Variants in CLCN2 observed in about 807,000 individuals in gnomAD.
The protein encoded by CLCN2 is chloride voltage-gated channel 2, also known as chloride channel protein 2.
CLCN2 carries 72 observed loss-of-function variants against 108.3 expected under a neutral mutation model. The observed-to-expected ratio is 0.66, with a 90% CI of 0.55 to 0.81. CLCN2 has a LOEUF of 0.81. CLCN2 is among the 30% of genes least tolerant of loss of function. CLCN2 has a pLI of 0.00. For missense variants in CLCN2, 1,048 were observed against 1,205.2 expected (o/e 0.87, Z 1.93); for synonymous variants, 471 against 467.1 (o/e 1.01, Z -0.11).
rs746540452 is a variant in CLCN2, at chr3:184,346,966, C to G, written c.2471G>C (p.Gly824Ala). The G allele has an allele frequency of 6.2e-7, 1 of 1,613,974 alleles. No individual in the cohort carries two copies. The highest frequency in any genetic ancestry group is 8.5e-7 in the Non-Finnish European group (1 of 1,179,976). ...GVDHAYVTSI[G>A]RLIGIVTLKE... ...TAGAGTAACGATTCCAATGAGTCTG[C>G]CAATACTGGTGACATAAGCATGGTC... The change falls in exon 23 of 24, where the codon GGC (glycine) becomes GCC (alanine). Residue 824 changes from glycine (G) to alanine (A), a missense_variant. By Grantham distance (60) the Gly-to-Ala change is moderately conservative. Coordinates refer to ENST00000265593, the MANE Select transcript of CLCN2 (RefSeq NM_004366.6). This position sits in a 1 kb window ranked among gnomAD's most constrained non-coding sequence, Gnocchi z 6.0.
Position 184,359,055 on chromosome 3 carries a change from T to A in CLCN2, c.140A>T (p.Glu47Val), listed in dbSNP as rs763306383. ...EAARIRLGGP[E>V]PWKGPPSSRA... is the part of the protein sequence containing the mutation. Reference sequence around the variant, plus strand: ...AGAGGAAGGGGGACCTTTCCAGGGTTCAGGCCCTCCCAGGCGAATCCGAGC... The same window carrying A: ...AGAGGAAGGGGGACCTTTCCAGGGTACAGGCCCTCCCAGGCGAATCCGAGC... Residue 47 changes from glutamate to valine, a missense_variant, in exon 2 of 24, where the codon GAA (glutamate) becomes GTA (valine). Glu to Val is a moderately radical substitution (Grantham distance 121). Transcript: ENST00000265593. 2 of 1,613,636 alleles carry A rather than the reference T, an allele frequency of 1.2e-6. No individual in the cohort carries two copies. Among genetic ancestry groups the A allele is most frequent in the Non-Finnish European group, 8.5e-7 (1 of 1,180,018 alleles).
At chr3:184,360,281 C>G (rs779958687) in intron 1 of CLCN2, among the ~76,000 whole-genome samples, 3 of 151,782 alleles carry the variant, frequency 2.0e-5, no homozygotes, top group Non-Finnish European at 4.4e-5. Flanking sequence ...ACAGAGTGCC[C>G]GGGACAGAGC....
chr3:184,354,672 GGT>G lies in CLCN2; in HGVS notation c.1397-16_1397-15del. 1 of 1,299,830 alleles carries G rather than the reference GGT, an allele frequency of 7.7e-7. No individual in the cohort carries two copies. Among genetic ancestry groups the G allele is most frequent in the Non-Finnish European group, 1.1e-6 (1 of 941,548 alleles). 80.5% of individuals were successfully genotyped at this position (1,299,830 alleles called of 1,614,324 possible). ...CAAATGCTGCTCCTTCAGGGAGGGG[GGT>G]GGGAAGAGAAAGAGGCAGTGGAGGG... On this transcript the variant is annotated splice_polypyrimidine_tract_variant and intron_variant, in intron 13 of 23. Coordinates refer to ENST00000265593, the MANE Select transcript of CLCN2 (RefSeq NM_004366.6).
At position 184,355,024 on chromosome 3, in the gene CLCN2, C is replaced by A. The variant is rs758904121; in HGVS notation, c.1327-51G>T. Reference sequence around the variant, plus strand: ...CGAAGAGGCTCCACCTGGCCCCAGGCAGCCCACAGCGCCACCCAGGAGAAG... The same window carrying A: ...CGAAGAGGCTCCACCTGGCCCCAGGAAGCCCACAGCGCCACCCAGGAGAAG... On this transcript the variant is annotated intron_variant, in intron 12 of 23. Transcript: ENST00000265593. This position sits in a 1 kb window ranked among gnomAD's most constrained non-coding sequence, Gnocchi z 6.3. 3 of 1,546,432 alleles carry A rather than the reference C, an allele frequency of 1.9e-6. No homozygotes were observed. The highest frequency in any genetic ancestry group is 2.7e-6 in the Non-Finnish European group (3 of 1,119,398).
Position 184,353,383 on chromosome 3 carries a change from A to G in CLCN2, c.1895T>C (p.Val632Ala), listed in dbSNP as rs1291657133. The change falls in exon 17 of 24, where the codon GTG becomes GCG. Residue 632 changes from valine (V) to alanine (A), a missense_variant. Physicochemically the swap from Val to Ala is moderately conservative, Grantham distance 64. Coordinates refer to ENST00000265593, the MANE Select transcript of CLCN2 (RefSeq NM_004366.6). ...CAGCTGGGCCCCCAACAATGCCACC[A>G]CCTGTGAACGCTCGATGGAGCCCAG... ...ILLGSIERSQ[V>A]VALLGAQLSP... 3.7e-6 allele frequency: 6 copies of G among 1,612,702 alleles called. No individual in the cohort carries two copies. The Admixed American group carries it at 1.0e-4, about 27-fold the overall frequency.
rs568335048 is a variant in CLCN2, at chr3:184,353,320, C to T, written c.1958G>A (p.Arg653Lys). The change falls in exon 17 of 24, where the codon AGA becomes AAA. Residue 653 changes from arginine to lysine, a missense_variant. Arg to Lys is a conservative substitution (Grantham distance 26). Transcript: ENST00000265593. ...ARRRQHMQER[R>K]ATQTSPLSDQ... ...AGATAGTGGAGAGGTCTGGGTGGCT[C>T]TGCGCTCCTGCATGTGCTGCCGCCG... 1 of 1,613,534 alleles carries T rather than the reference C, an allele frequency of 6.2e-7. No individual in the cohort carries two copies. The highest frequency in any genetic ancestry group is 8.5e-7 in the Non-Finnish European group (1 of 1,179,998).
In CLCN2 at chr3:184,354,917, A is replaced by C; in HGVS notation, c.1383T>G (p.Pro461=). The C allele has an allele frequency of 1.2e-6, 2 of 1,613,942 alleles. No individual in the cohort carries two copies. ...CTGAGAACTCACCAATGACAAAGAC[A>C]GGCATGAAGGCCCCACAGGGAACTG... ...TIPVPCGAFM[P]VFVIGAAFGR... is the part of the protein sequence containing the mutation. Residue 461 remains proline, a synonymous_variant, in exon 13 of 24, where the codon CCT becomes CCG. Transcript: ENST00000265593.
rs145623979 is a variant in CLCN2, at chr3:184,355,759, G to A, written c.1105C>T (p.Leu369=). 4.0e-5 allele frequency: 65 copies of A among 1,614,220 alleles called. No individual in the cohort carries two copies. In the African/African-American group the frequency reaches 7.2e-4, roughly 18 times the overall value. ...AGCGTGGAGATGAGCAGGGTCACCA[G>A]AGCCGGGAAGAGCAGGCGTCTAGAG... The part of the protein sequence containing the change: ...LMRKRLLFPA[L]VTLLISTLTF... The change falls in exon 11 of 24, where the codon CTG becomes TTG. Residue 369 remains leucine (L), a synonymous_variant. Transcript: ENST00000265593. This position sits in a 1 kb window ranked among gnomAD's most constrained non-coding sequence, Gnocchi z 6.3.
intron 22 of CLCN2, among the ~76,000 whole-genome samples, chr3:184,349,829 T>C (rs1345492457): frequency 1.3e-5 from 2 of 152,158 alleles, no homozygotes; most frequent in African/African-American, 2.4e-5. Context: ...TTGGGTTCAG[T>C]TGGTCTGGCC....
chr3:184,354,298 T>A lies in CLCN2; in HGVS notation c.1524A>T (p.Ala508=), dbSNP rs768279535. 2 of 1,613,072 alleles carry A rather than the reference T, an allele frequency of 1.2e-6. No individual in the cohort carries two copies. Among genetic ancestry groups the A allele is most frequent in the Admixed American group, 1.7e-5 (1 of 60,010 alleles). Residue 508 remains alanine, a synonymous_variant, in exon 15 of 24, where the codon GCA becomes GCT. Transcript: ENST00000265593. The part of the protein sequence containing the change: ...GYAVVGAAAL[A]GAVTHTVSTA... Reference sequence around the variant, plus strand: ...TGGACACTGTGTGTGTCACCGCTCCTGCCAGCGCAGCTGCCCCTGGGGACA... The same window carrying A: ...TGGACACTGTGTGTGTCACCGCTCCAGCCAGCGCAGCTGCCCCTGGGGACA...
intron 15 of CLCN2, 63 bp downstream of exon 15, chr3:184,354,038 A>C: frequency 6.5e-7 from 1 of 1,532,118 alleles, no homozygotes. Flanking sequence ...AGGTGGCTGT[A>C]GGGGGATCTA....
At chr3:184,352,884 C>G in intron 18 of CLCN2, 74 bp from the exon 19 acceptor site, 1 of 1,584,462 alleles carries the variant, frequency 6.3e-7, no homozygotes, top group Middle Eastern at 1.7e-4. Context: ...GTAAGGAAGA[C>G]ACAGGGAGAG....
chr3:184,351,741 A>G (rs1728111953), intron 22 of CLCN2, among the ~76,000 whole-genome samples: 1 of 152,120 alleles, frequency 6.6e-6, no homozygotes, highest in African/African-American at 2.4e-5. Context: ...ACCCAGCTCA[A>G]TCCCTGTCTT....
In CLCN2 at chr3:184,352,894, G is replaced by A. The variant is rs1052362738; in HGVS notation, c.2144-84C>T. The A allele has an allele frequency of 8.4e-6, 13 of 1,553,098 alleles. No homozygotes were observed. The African/African-American group carries it at 9.5e-5, about 11-fold the overall frequency. On this transcript the variant is annotated intron_variant, in intron 18 of 23. Coordinates refer to ENST00000265593, the MANE Select transcript of CLCN2 (RefSeq NM_004366.6). ...GAAAGGTAAGGAAGACACAGGGAGA[G>A]GTATCCCAGTTCCAGCCCTGGCCCA...
At position 184,358,067 on chromosome 3, in the gene CLCN2, G is replaced by A. The variant is rs150833904; in HGVS notation, c.510C>T (p.Ile170=). Residue 170 remains isoleucine (I), a synonymous_variant, in exon 5 of 24, where the codon ATC becomes ATT. Coordinates refer to ENST00000265593, the MANE Select transcript of CLCN2 (RefSeq NM_004366.6). ...ATTCTTTCAGCACCACTCCCCGCAA[G>A]ATGGTCTTCATCTCAGGGATGCCAG... The part of the protein sequence containing the change: ...VGSGIPEMKT[I]LRGVVLKEYL... The A allele has an allele frequency of 4.1e-5, 66 of 1,614,144 alleles. No individual in the cohort carries two copies. In the African/African-American group the frequency reaches 6.3e-4, roughly 15 times the overall value.
chr3:184,357,613 T>G lies in CLCN2; in HGVS notation c.772+7A>C. ...TGGGGCTGGACTGACCTAGGAGCCC[T>G]GCCTACCTCCAATAGGTGCCGCGAA... On this transcript the variant is annotated splice_region_variant and intron_variant, in intron 7 of 23. Coordinates refer to ENST00000265593, the MANE Select transcript of CLCN2 (RefSeq NM_004366.6). 1 of 1,613,944 alleles carries G rather than the reference T, an allele frequency of 6.2e-7. No homozygotes were observed. Among genetic ancestry groups the G allele is most frequent in the Non-Finnish European group, 8.5e-7 (1 of 1,179,996 alleles).
At chr3:184,360,922 A>G (rs1711990221) in intron 1 of CLCN2, among the ~76,000 whole-genome samples, 1 of 152,228 alleles carries the variant, frequency 6.6e-6, no homozygotes, top group African/African-American at 2.4e-5. Context: ...GGGCTCCTGG[A>G]GCCAACGCTG....
chr3:184,346,679 A>C lies in CLCN2; in HGVS notation c.2624T>G (p.Leu875Arg). 2 of 1,614,022 alleles carry C rather than the reference A, an allele frequency of 1.2e-6. No individual in the cohort carries two copies. The highest frequency in any genetic ancestry group is 1.7e-6 in the Non-Finnish European group (2 of 1,179,974). Residue 875 changes from leucine to arginine, a missense_variant, in exon 24 of 24, where the codon CTC becomes CGC. Transcript: ENST00000265593. The surrounding 1 kb of genome is among the most constrained non-coding windows in gnomAD (Gnocchi z 6.0). The stretch of plus-strand genomic sequence containing the variant: ...GCCATGACGGGAGTGGGGCCCCCAG[A>C]GTGCATGCACCTCAGTGGTCTCCGT... ...SDTETTEVHA[L>R]WGPHSRHGLP... is the part of the protein sequence containing the mutation.
chr3:184,354,407 G>A (rs1728371072), intron 14 of CLCN2, 93 bp from the exon 15 acceptor site: 1 of 1,379,250 alleles, frequency 7.3e-7, no homozygotes, highest in Admixed American at 1.8e-5. Flanking sequence ...CCTCAGGGCT[G>A]CCCAATACAG....
Sources: gnomAD v4.1 joint callset for allele counts (sites outside exome capture counted in the v4.1 genomes callset) on GRCh38, gnomAD v4.1.1 for gene constraint, Gnocchi (gnomAD v3.1) non-coding constraint, MANE v1.5 for transcripts, NCBI Gene and HGNC (gene_info 2026-07-23, HGNC 2026-07-21) for gene names.